The following CHN2 variants were observed in gnomAD, a reference collection of about 807,000 sequenced individuals.
CHN2 encodes beta-chimaerin.
In CHN2, 35 loss-of-function variants were observed where a neutral mutation model predicts 56.3. The ratio of observed to expected loss-of-function variants is 0.62; its 90% CI spans 0.47 to 0.82. CHN2 has a LOEUF of 0.82. Ranked by LOEUF, CHN2 falls within the 40% of genes least tolerant of loss-of-function variation. CHN2 has a pLI of 0.00. For missense variants in CHN2, 491 were observed against 580.5 expected (o/e 0.85, Z 1.58); for synonymous variants, 210 against 212.8 (o/e 0.99, Z 0.12).
At chr7:29,483,084 G>C (rs1473068056) in intron 7 of CHN2, among the ~76,000 whole-genome samples, 3 of 151,946 alleles carry the variant, frequency 2.0e-5, no homozygotes, top group Non-Finnish European at 4.4e-5. Flanking sequence ...GCCTCCCAAA[G>C]TGCTAGGATT....
rs1175429614 is a variant in CHN2 at position 29,233,825 on chromosome 7, ATTTT to A, written c.49+38858_49+38861del. ...AGAATGCAGCCCTGCCAACACCTTG[ATTTT>A]TTTTTTTTTTTTTTTTTTTTTTGAG... On this transcript the variant is annotated intron_variant, in intron 1 of 12. Transcript: ENST00000222792. 2.6e-3 allele frequency among the ~76,000 whole-genome samples: 139 copies of A among 53,190 alleles called. 1 individual carries two copies. Among genetic ancestry groups the A allele is most frequent in the South Asian group, 7.4e-3 (10 of 1,354 alleles). 34.9% of individuals were successfully genotyped at this position (53,190 alleles called of 152,430 possible).
intron 6 of CHN2, among the ~76,000 whole-genome samples, chr7:29,415,863 AT>A (rs1489964884): frequency 1.3e-5 from 2 of 152,200 alleles, no homozygotes; most frequent in African/African-American, 4.8e-5. Context: ...TGTAGGCAAA[AT>A]TTTAAAAGCC....
intron 2 of CHN2, among the ~76,000 whole-genome samples, chr7:29,167,426 T>C (rs1796059854): frequency 2.0e-5 from 3 of 152,212 alleles, no homozygotes; most frequent in Admixed American, 2.0e-4. Context: ...TTCCAGTTTT[T>C]CTTTTTGCTT....
intron 6 of CHN2, among the ~76,000 whole-genome samples, chr7:29,440,314 A>G (rs1156903073): frequency 2.0e-5 from 3 of 152,220 alleles, no homozygotes; most frequent in Admixed American, 6.5e-5. Flanking sequence ...TGGCAAAAGT[A>G]AAAGTAACAG....
intron 2 of CHN2, among the ~76,000 whole-genome samples, chr7:29,358,929 T>C (rs1798526728): frequency 1.3e-5 from 2 of 152,198 alleles, no homozygotes; most frequent in Non-Finnish European, 2.9e-5. Context: ...CCAGTGTATA[T>C]TTCTTCTTTT....
At chr7:29,247,745 G>C (rs534774158) in intron 1 of CHN2, among the ~76,000 whole-genome samples, 1 of 152,208 alleles carries the variant, frequency 6.6e-6, no homozygotes, top group Non-Finnish European at 1.5e-5. Context: ...ACTGGGAAAG[G>C]AGCTGTTCTG....
intron 6 of CHN2, among the ~76,000 whole-genome samples, chr7:29,428,918 G>T (rs1262702828): frequency 6.6e-6 from 1 of 152,202 alleles, no homozygotes; most frequent in Non-Finnish European, 1.5e-5. Context: ...TGTAAATCCT[G>T]AGAGGCTTTT....
intron 1 of CHN2, among the ~76,000 whole-genome samples, chr7:29,203,794 G>C (rs887224190): frequency 6.6e-6 from 1 of 152,120 alleles, no homozygotes; most frequent in African/African-American, 2.4e-5. Flanking sequence ...TCCCTGTTTG[G>C]TTTTAGTCCC....
chr7:29,485,531 T>G (rs1265856039), intron 7 of CHN2, among the ~76,000 whole-genome samples: 1 of 152,202 alleles, frequency 6.6e-6, no homozygotes, highest in Non-Finnish European at 1.5e-5. Context: ...TCTCTCAGCC[T>G]TAACCAAGAA....
intron 2 of CHN2, among the ~76,000 whole-genome samples, chr7:29,174,290 C>T (rs780172723): frequency 8.5e-5 from 13 of 152,142 alleles, no homozygotes; most frequent in Non-Finnish European, 1.2e-4. Flanking sequence ...CCAGCAATCC[C>T]GTCTTTCCAT....
At chr7:29,202,659 C>A (rs771479975) in intron 1 of CHN2, among the ~76,000 whole-genome samples, 10 of 152,140 alleles carry the variant, frequency 6.6e-5, no homozygotes, top group Non-Finnish European at 1.5e-4. Flanking sequence ...GGGTGATAAC[C>A]TTATGCAATT....
At chr7:29,189,099 C>A (rs979960084) in intron 2 of CHN2, among the ~76,000 whole-genome samples, 36 of 152,074 alleles carry the variant, frequency 2.4e-4, no homozygotes, top group African/African-American at 8.4e-4. Flanking sequence ...TACAGGCGCA[C>A]ACCATCACGC....
intron 1 of CHN2, chr7:29,213,108 A>T (rs113501072): frequency 0.16 from 257,780 of 1,583,538 alleles, 24,210 homozygotes; most frequent in Non-Finnish European, 0.19. Flanking sequence ...TGGAAGCTGC[A>T]GGGGAAGGCC....
At position 29,398,366 on chromosome 7, in the gene CHN2, C is replaced by A. The variant is rs1249570199; in HGVS notation, c.177-7C>A. 2 of 1,598,990 alleles carry A rather than the reference C, an allele frequency of 1.3e-6. No homozygotes were observed. Among genetic ancestry groups the A allele is most frequent in the Admixed American group, 3.3e-5 (2 of 60,006 alleles). On this transcript the variant is annotated splice_polypyrimidine_tract_variant and splice_region_variant and intron_variant, in intron 4 of 12. Coordinates refer to ENST00000222792, the MANE Select transcript of CHN2 (RefSeq NM_004067.4). ...TGTTCAGAGCATTGATGGTCTTGTA[C>A]CTTCAGGTTTCATGGGATCATCTCT...
intron 6 of CHN2, among the ~76,000 whole-genome samples, chr7:29,467,990 T>G (rs1197261083): frequency 6.6e-6 from 1 of 152,130 alleles, no homozygotes; most frequent in African/African-American, 2.4e-5. Flanking sequence ...CACAAAAGAA[T>G]ATCATGTCTT....
At chr7:29,359,271 G>A (rs1246058300) in intron 2 of CHN2, among the ~76,000 whole-genome samples, 2 of 152,130 alleles carry the variant, frequency 1.3e-5, no homozygotes, top group Non-Finnish European at 2.9e-5. Flanking sequence ...ATTGGAAGGA[G>A]GAAGATGAAA....
chr7:29,214,565 C>G (rs1046508635), intron 1 of CHN2, among the ~76,000 whole-genome samples: 6 of 152,172 alleles, frequency 3.9e-5, no homozygotes, highest in Admixed American at 3.3e-4. Context: ...TGCTCATCTT[C>G]TTGTGGTGTC....
chr7:29,496,084 G>A (rs1324583507), intron 8 of CHN2, 48 bp downstream of exon 8: 2 of 1,480,214 alleles, frequency 1.4e-6, no homozygotes, highest in Admixed American at 1.9e-5. Context: ...ATGCCACTGT[G>A]CTGAGCTGGA....
intron 1 of CHN2, among the ~76,000 whole-genome samples, chr7:29,249,079 A>G (rs1204801367): frequency 6.6e-6 from 1 of 152,192 alleles, no homozygotes; most frequent in East Asian, 1.9e-4. Context: ...GGATAGATAT[A>G]GAGACAGGAG....
Sources: allele counts gnomAD v4.1 joint callset (sites outside exome capture counted in the v4.1 genomes callset), GRCh38; gene constraint gnomAD v4.1.1; transcripts MANE v1.5; gene names NCBI Gene and HGNC (gene_info 2026-07-23, HGNC 2026-07-21).